Variants in ATRX observed in about 807,000 individuals in gnomAD.
ATRX encodes ATRX chromatin remodeler.
In ATRX, 12 loss-of-function variants were observed where a neutral mutation model predicts 172.6. That is an observed-to-expected ratio of 0.07 (90% CI 0.04 to 0.11). The LOEUF (loss-of-function observed/expected upper bound fraction) is 0.11, where lower values mean the gene tolerates loss of function less well. Ranked by LOEUF, ATRX falls within the 10% of genes least tolerant of loss-of-function variation. ATRX has a pLI of 1.00. For missense variants in ATRX, 1,368 were observed against 1,767.4 expected, an observed-to-expected ratio of 0.77 and a Z score of 4.05; for synonymous variants, 674 against 594.7, an observed-to-expected ratio of 1.13 and a Z score of -1.94.
intron 15 of ATRX, among the ~76,000 whole-genome samples, chrX:77,650,933 T>C (rs1718954015): frequency 8.9e-6 from 1 of 111,766 alleles, no homozygotes; most frequent in African/African-American, 3.2e-5. Context: ...AATGAGAGAA[T>C]TCAGTTTAAT....
At chrX:77,769,568 G>A (rs2076090433) in intron 1 of ATRX, among the ~76,000 whole-genome samples, 1 of 111,395 alleles carries the variant, frequency 9.0e-6, no homozygotes, top group Non-Finnish European at 1.9e-5. Flanking sequence ...TGACAGGCGT[G>A]AGCCACCGTG....
chrX:77,546,592 A>C (rs1201058486), intron 30 of ATRX, among the ~76,000 whole-genome samples: 2 of 110,567 alleles, frequency 1.8e-5, no homozygotes, highest in African/African-American at 6.6e-5. Context: ...CCTAGGTTCA[A>C]GGGATCCTCC....
rs1233065593 is a variant in ATRX, at chrX:77,506,442, T to TGGG, written c.*1908_*1909insCCC. ...GCCTAAAATTTTCACATCTATGTCT[T>TGGG]TGAGTAAATAATTAGACCATGTTGA... On this transcript the variant is annotated 3_prime_UTR_variant, in exon 35 of 35. Coordinates refer to ENST00000373344, the MANE Select transcript of ATRX (RefSeq NM_000489.6). The TGGG allele has an allele frequency of 5.8e-6, 1 of 173,294 alleles. No individual in the cohort carries two copies. Among genetic ancestry groups the TGGG allele is most frequent in the African/African-American group, 3.0e-5 (1 of 33,886 alleles). 14.3% of individuals were successfully genotyped at this position (173,294 alleles called of 1,213,427 possible).
chrX:77,547,625 G>T (rs2064296194), intron 30 of ATRX, among the ~76,000 whole-genome samples: 1 of 111,275 alleles, frequency 9.0e-6, no homozygotes, highest in East Asian at 2.9e-4. Context: ...CTATAAGGTA[G>T]ACTTTATTCT....
intron 14 of ATRX, 139 bp downstream of exon 14, chrX:77,653,959 T>C (rs1603094405): frequency 2.1e-6 from 1 of 470,329 alleles, no homozygotes; most frequent in East Asian, 3.8e-5. Context: ...ATATATTCAA[T>C]AACCAATCCT....
intron 22 of ATRX, among the ~76,000 whole-genome samples, chrX:77,603,989 G>T (rs1215792083): frequency 1.8e-5 from 2 of 112,191 alleles, no homozygotes; most frequent in African/African-American, 6.5e-5. Context: ...ACTCAAGATA[G>T]ATTAAAGACT....
chrX:77,774,291 T>C (rs782319146), intron 1 of ATRX, among the ~76,000 whole-genome samples: 1 of 110,899 alleles, frequency 9.0e-6, no homozygotes, highest in South Asian at 3.8e-4. Context: ...TAGAATTAGA[T>C]GGTAGATCAG....
intron 30 of ATRX, among the ~76,000 whole-genome samples, chrX:77,553,390 C>T (rs1390446949): frequency 1.8e-5 from 2 of 111,639 alleles, no homozygotes; most frequent in Non-Finnish European, 3.8e-5. Flanking sequence ...TTTCTCTGAT[C>T]CATCCTCCAC....
At chrX:77,553,574 T>C (rs1410933434) in intron 30 of ATRX, among the ~76,000 whole-genome samples, 1 of 111,820 alleles carries the variant, frequency 8.9e-6, no homozygotes, top group Non-Finnish European at 1.9e-5. Flanking sequence ...TCACCCTTAC[T>C]CTACCAGTAT....
intron 30 of ATRX, among the ~76,000 whole-genome samples, chrX:77,542,841 A>G (rs1287424172): frequency 8.9e-6 from 1 of 112,323 alleles, no homozygotes; most frequent in African/African-American, 3.2e-5. Context: ...AGACTTAAAC[A>G]TAAGACCTAA....
At chrX:77,737,660 T>G (rs1214762595) in intron 1 of ATRX, among the ~76,000 whole-genome samples, 3 of 110,800 alleles carry the variant, frequency 2.7e-5, no homozygotes, top group Non-Finnish European at 5.7e-5. Flanking sequence ...GACAGCCCAT[T>G]TTACATGATG....
chrX:77,547,316 C>T (rs1326714179), intron 30 of ATRX, among the ~76,000 whole-genome samples: 2 of 111,502 alleles, frequency 1.8e-5, no homozygotes, highest in African/African-American at 6.5e-5. Context: ...GCCTTATCTA[C>T]ATTGATGTTT....
intron 30 of ATRX, among the ~76,000 whole-genome samples, chrX:77,531,436 T>C (rs988356531): frequency 4.5e-5 from 5 of 112,000 alleles, no homozygotes; most frequent in Non-Finnish European, 7.5e-5. Context: ...TCCACCATGA[T>C]CAAGATGGCG....
At chrX:77,697,398 T>C (rs1414011184) in intron 4 of ATRX, among the ~76,000 whole-genome samples, 185 bp downstream of exon 4, 2 of 112,225 alleles carry the variant, frequency 1.8e-5, no homozygotes, top group Non-Finnish European at 3.8e-5. Context: ...TAATAATTGT[T>C]GAAATCAGGT....
intron 12 of ATRX, among the ~76,000 whole-genome samples, chrX:77,662,687 AT>A (rs572509462): frequency 7.6e-4 from 80 of 105,448 alleles, no homozygotes; most frequent in South Asian, 2.4e-3. Context: ...ATATGCTTAA[AT>A]TTTTTTTTTT....
At chrX:77,630,572 G>A (rs1421464377) in intron 19 of ATRX, among the ~76,000 whole-genome samples, 1 of 112,032 alleles carries the variant, frequency 8.9e-6, no homozygotes, top group African/African-American at 3.2e-5. Flanking sequence ...TGAGAGCCTA[G>A]AAATAAACAC....
intron 28 of ATRX, among the ~76,000 whole-genome samples, chrX:77,563,145 G>C (rs2147971976): frequency 8.9e-6 from 1 of 112,085 alleles, no homozygotes; most frequent in South Asian, 3.7e-4. Context: ...TATGCCTTTG[G>C]CATCATGACT....
At chrX:77,738,473 A>C (rs1373228203) in intron 1 of ATRX, among the ~76,000 whole-genome samples, 1 of 109,396 alleles carries the variant, frequency 9.1e-6, no homozygotes, top group Non-Finnish European at 1.9e-5. Flanking sequence ...ACAGTCACTA[A>C]TGGAATTTAA....
chrX:77,518,859 A>G (rs1205184038), intron 34 of ATRX, among the ~76,000 whole-genome samples: 6 of 112,030 alleles, frequency 5.4e-5, no homozygotes, highest in African/African-American at 1.3e-4. Context: ...ACACACCAGT[A>G]AACTCATTTT....
Sources: allele counts gnomAD v4.1 joint callset (sites outside exome capture counted in the v4.1 genomes callset), GRCh38; gene constraint gnomAD v4.1.1; transcripts MANE v1.5; gene names NCBI Gene and HGNC (gene_info 2026-07-23, HGNC 2026-07-21).